Variants in BMAL2 observed in about 807,000 individuals in gnomAD.
BMAL2 encodes basic helix-loop-helix ARNT like 2.
chr12:27,410,564 G>A, the BMAL2 span, among the ~76,000 whole-genome samples: 3 of 152,102 alleles, frequency 2.0e-5, no homozygotes, highest in Admixed American at 1.3e-4. Flanking sequence ...ATGGACACAG[G>A]AAGGGGAACA....
chr12:27,381,947 G>GTTTA, the BMAL2 span, among the ~76,000 whole-genome samples: 1 of 152,152 alleles, frequency 6.6e-6, no homozygotes, highest in Admixed American at 6.5e-5. Flanking sequence ...AACACTGCCA[G>GTTTA]GAAAAGGAAA....
the BMAL2 span, among the ~76,000 whole-genome samples, chr12:27,366,456 T>A: frequency 6.6e-6 from 1 of 152,192 alleles, no homozygotes; most frequent in Non-Finnish European, 1.5e-5. Flanking sequence ...GTAAATATTG[T>A]TATATATTTT....
At chr12:27,362,947 G>A in the BMAL2 span, among the ~76,000 whole-genome samples, 1 of 152,092 alleles carries the variant, frequency 6.6e-6, no homozygotes, top group Non-Finnish European at 1.5e-5. Flanking sequence ...AAGACTATAT[G>A]TGCACACCAC....
chr12:27,396,784 A>AGCAAT, the BMAL2 span, among the ~76,000 whole-genome samples: 1 of 152,218 alleles, frequency 6.6e-6, no homozygotes, highest in African/African-American at 2.4e-5. Flanking sequence ...CACAGGCCTA[A>AGCAAT]GCAATGGTAA....
chr12:27,350,486 G>A, the BMAL2 span, among the ~76,000 whole-genome samples: 1 of 152,150 alleles, frequency 6.6e-6, no homozygotes, highest in Non-Finnish European at 1.5e-5. Context: ...ACATGAAGAT[G>A]TTCCACAGAA....
the BMAL2 span, among the ~76,000 whole-genome samples, chr12:27,383,943 C>T: frequency 3.3e-4 from 50 of 152,310 alleles, no homozygotes; most frequent in South Asian, 4.8e-3. Context: ...GCCACCACCA[C>T]CACCACTTAG....
At chr12:27,333,023 C>G in the BMAL2 span, 1 of 1,184,574 alleles carries the variant, frequency 8.4e-7, no homozygotes, top group South Asian at 4.2e-5. Flanking sequence ...CCCGGGGCTC[C>G]TCCATGCTGC....
At chr12:27,424,400 G>A in the BMAL2 span, 1 of 152,188 alleles carries the variant, frequency 6.6e-6, no homozygotes, top group South Asian at 2.1e-4. Flanking sequence ...TTGGAATCAA[G>A]TGAAATGAGT....
At chr12:27,352,700 G>T in the BMAL2 span, among the ~76,000 whole-genome samples, 2 of 152,164 alleles carry the variant, frequency 1.3e-5, no homozygotes, top group Non-Finnish European at 2.9e-5. Flanking sequence ...AACCCTGAAG[G>T]CTCTGCTAAA....
chr12:27,417,091 C>T, the BMAL2 span, among the ~76,000 whole-genome samples: 5 of 152,072 alleles, frequency 3.3e-5, no homozygotes, highest in African/African-American at 4.8e-5. Context: ...AGGCAGGATG[C>T]GAGAAACAGA....
At chr12:27,347,035 G>A in the BMAL2 span, among the ~76,000 whole-genome samples, 6 of 152,150 alleles carry the variant, frequency 3.9e-5, no homozygotes. Flanking sequence ...AGTGGATGCA[G>A]CCTGAGGCCC....
chr12:27,372,381 G>A, the BMAL2 span, among the ~76,000 whole-genome samples: 2 of 152,140 alleles, frequency 1.3e-5, no homozygotes, highest in African/African-American at 2.4e-5. Flanking sequence ...TCCACTGTGT[G>A]TATACACCAT....
chr12:27,415,534 A>G, the BMAL2 span, among the ~76,000 whole-genome samples: 1 of 152,158 alleles, frequency 6.6e-6, no homozygotes, highest in Non-Finnish European at 1.5e-5. Flanking sequence ...GCCATTTGGT[A>G]TCTTGAGGAG....
chr12:27,358,599 A>G, the BMAL2 span, among the ~76,000 whole-genome samples: 1 of 152,090 alleles, frequency 6.6e-6, no homozygotes, highest in Admixed American at 6.5e-5. Flanking sequence ...AGCCTAAAAC[A>G]CCCATCCAGA....
chr12:27,358,974 A>C, the BMAL2 span, among the ~76,000 whole-genome samples: 3 of 151,974 alleles, frequency 2.0e-5, no homozygotes, highest in Non-Finnish European at 4.4e-5. Context: ...CCATCATGTG[A>C]CTAAGGATCT....
chr12:27,410,972 T>C, the BMAL2 span, among the ~76,000 whole-genome samples: 1 of 152,114 alleles, frequency 6.6e-6, no homozygotes, highest in Admixed American at 6.5e-5. Context: ...GGAAAATGTG[T>C]GGATTTCATA....
At chr12:27,382,573 A>G in the BMAL2 span, among the ~76,000 whole-genome samples, 1 of 152,160 alleles carries the variant, frequency 6.6e-6, no homozygotes, top group Non-Finnish European at 1.5e-5. Context: ...CAGAAGTGAC[A>G]TGGTTAAGTA....
the BMAL2 span, among the ~76,000 whole-genome samples, chr12:27,410,680 T>A: frequency 2.0e-5 from 3 of 152,080 alleles, no homozygotes; most frequent in African/African-American, 7.2e-5. Context: ...CACCAACATG[T>A]CACATGTATA....
the BMAL2 span, among the ~76,000 whole-genome samples, chr12:27,395,086 T>G: frequency 2.6e-5 from 4 of 152,258 alleles, no homozygotes; most frequent in African/African-American, 9.6e-5. Flanking sequence ...CTTGCATCAT[T>G]TTCTATACCG....
Sources: allele counts gnomAD v4.1 joint callset (sites outside exome capture counted in the v4.1 genomes callset), GRCh38; gene constraint gnomAD v4.1.1; transcripts MANE v1.5; gene names NCBI Gene and HGNC (gene_info 2026-07-23, HGNC 2026-07-21).